MED13L: variants seen among roughly 807,000 people sequenced by gnomAD.
MED13L encodes the protein mediator complex subunit 13L, also known as mediator of RNA polymerase II transcription subunit 13-like.
Under a neutral mutation model 220.9 loss-of-function variants are expected in MED13L, and 7 were observed. The observed-to-expected ratio is 0.03, with a 90% CI of 0.02 to 0.06. MED13L has a LOEUF of 0.06. Among genes scored for constraint, MED13L ranks in the 10% least tolerant of loss-of-function variants. The pLI is 1.00. For synonymous variants in MED13L, 1,011 were observed against 1,015.2 expected, an observed-to-expected ratio of 1.00 and a Z score of 0.08; for missense variants, 1,965 against 2,760.5, an observed-to-expected ratio of 0.71 and a Z score of 6.46.
chr12:116,261,587 G>T (rs940624955), intron 1 of MED13L, among the ~76,000 whole-genome samples: 2 of 151,168 alleles, frequency 1.3e-5, no homozygotes, highest in Admixed American at 1.3e-4. Flanking sequence ...TTAAAACTTT[G>T]ATTTCTGTAG....
At chr12:115,980,584 A>C (rs1488541849) in intron 23 of MED13L, 166 bp downstream of exon 23, 1 of 748,014 alleles carries the variant, frequency 1.3e-6, no homozygotes, top group African/African-American at 1.7e-5. Context: ...TCAGCCTCCG[A>C]AAGTGCTAAG....
At chr12:116,212,602 A>G (rs1218855304) in intron 2 of MED13L, among the ~76,000 whole-genome samples, 1 of 152,206 alleles carries the variant, frequency 6.6e-6, no homozygotes, top group Non-Finnish European at 1.5e-5. Flanking sequence ...GTTAAATAAA[A>G]TATGCTTCTC....
chr12:116,170,683 C>T (rs1005911982), intron 2 of MED13L, among the ~76,000 whole-genome samples: 5 of 150,972 alleles, frequency 3.3e-5, no homozygotes, highest in African/African-American at 1.2e-4. Flanking sequence ...TCACTGCAAC[C>T]TCCACGTCCC....
chr12:116,025,617 A>G (rs1566017135), intron 4 of MED13L, among the ~76,000 whole-genome samples: 3 of 152,228 alleles, frequency 2.0e-5, no homozygotes, highest in Non-Finnish European at 4.4e-5. Flanking sequence ...AGTGAAACAG[A>G]TCAGACACAT....
chr12:116,272,093 T>C (rs545213593), intron 1 of MED13L, among the ~76,000 whole-genome samples: 1 of 152,202 alleles, frequency 6.6e-6, no homozygotes, highest in African/African-American at 2.4e-5. Context: ...TGTTGTCTGT[T>C]TCTCTATAAA....
rs146012857 is a variant in MED13L at position 116,205,085 on chromosome 12, C to G, written c.310+32383G>C. Among the ~76,000 whole-genome samples, 69 of 152,210 alleles carry G rather than the reference C, an allele frequency of 4.5e-4. 1 individual carries two copies. The highest frequency in any genetic ancestry group is 2.9e-3 in the East Asian group (15 of 5,172). Reference sequence around the variant, plus strand: ...CTCATGTGGCTTGCCTTCTGGGACACACAAATTCATCTTCATACTGTCGCC... The same window carrying G: ...CTCATGTGGCTTGCCTTCTGGGACAGACAAATTCATCTTCATACTGTCGCC... On this transcript the variant is annotated intron_variant, in intron 2 of 30. Transcript: ENST00000281928.
intron 2 of MED13L, among the ~76,000 whole-genome samples, chr12:116,141,547 T>C (rs1225425302): frequency 3.3e-5 from 5 of 152,198 alleles, no homozygotes; most frequent in Non-Finnish European, 5.9e-5. Flanking sequence ...TATAAATGTA[T>C]TGAAATTTTT....
rs74803659 is a variant in MED13L at position 116,000,323 on chromosome 12, A to G, written c.2569+2680T>C. ...CAATTTTCTTCCCAGAAAACGGCTAAAGCAAGGGTGGAAACAGCCACCAGG... is the reference window on the plus strand; with the variant it reads ...CAATTTTCTTCCCAGAAAACGGCTAGAGCAAGGGTGGAAACAGCCACCAGG... On this transcript the variant is annotated intron_variant, in intron 14 of 30. Coordinates refer to ENST00000281928, the MANE Select transcript of MED13L (RefSeq NM_015335.5). 1.4e-3 allele frequency among the ~76,000 whole-genome samples: 212 copies of G among 152,302 alleles called. 1 individual carries two copies. Among genetic ancestry groups the G allele is most frequent in the African/African-American group, 4.9e-3 (204 of 41,552 alleles).
intron 23 of MED13L, among the ~76,000 whole-genome samples, chr12:115,978,326 C>CCT (rs1480731529): frequency 7.6e-6 from 1 of 132,186 alleles, no homozygotes; most frequent in African/African-American, 2.8e-5. Flanking sequence ...AATTTTTTTT[C>CCT]TTTTTTTTTT....
intron 1 of MED13L, chr12:116,276,308 T>TTTTG (rs754551251): frequency 5.3e-5 from 12 of 224,910 alleles, no homozygotes; most frequent in South Asian, 3.8e-4. Flanking sequence ...CTTGTTGCTT[T>TTTTG]TGTGTGTGTG....
intron 25 of MED13L, among the ~76,000 whole-genome samples, chr12:115,973,599 C>A (rs771634250): frequency 2.0e-5 from 3 of 152,156 alleles, no homozygotes; most frequent in Non-Finnish European, 4.4e-5. Flanking sequence ...TTTATCCTCC[C>A]TCTTCTTTCC....
intron 4 of MED13L, among the ~76,000 whole-genome samples, chr12:116,041,067 T>C (rs1025187280): frequency 1.3e-5 from 2 of 152,056 alleles, no homozygotes; most frequent in African/African-American, 4.8e-5. Flanking sequence ...AATGCTAAAA[T>C]CAGTAATTAA....
At chr12:116,122,036 A>T (rs576872639) in intron 2 of MED13L, among the ~76,000 whole-genome samples, 3 of 152,294 alleles carry the variant, frequency 2.0e-5, no homozygotes, top group African/African-American at 7.2e-5. Context: ...TCCAAGGTTT[A>T]TCATTTGCCC....
At chr12:116,056,385 C>G (rs1202568400) in intron 4 of MED13L, among the ~76,000 whole-genome samples, 1 of 151,866 alleles carries the variant, frequency 6.6e-6, no homozygotes, top group Non-Finnish European at 1.5e-5. Flanking sequence ...TCAGGTGATT[C>G]TCAGCCTCCT....
chr12:116,061,312 G>C (rs1377032265), intron 4 of MED13L, among the ~76,000 whole-genome samples: 1 of 151,804 alleles, frequency 6.6e-6, no homozygotes, highest in Non-Finnish European at 1.5e-5. Flanking sequence ...ATATAGAGTA[G>C]TTACAAATAA....
At chr12:116,070,143 G>T (rs1276193087) in intron 4 of MED13L, among the ~76,000 whole-genome samples, 1 of 152,120 alleles carries the variant, frequency 6.6e-6, no homozygotes, top group Non-Finnish European at 1.5e-5. Context: ...TAGCTGCCAG[G>T]GGTCATGTCC....
chr12:116,181,351 T>C (rs1339380175), intron 2 of MED13L: 2 of 152,026 alleles, frequency 1.3e-5, no homozygotes, highest in African/African-American at 4.8e-5. Context: ...CATTCAAGTA[T>C]TTAATCTTCT....
At chr12:116,095,639 A>G (rs1352796766) in intron 4 of MED13L, among the ~76,000 whole-genome samples, 1 of 152,222 alleles carries the variant, frequency 6.6e-6, no homozygotes, top group Non-Finnish European at 1.5e-5. Flanking sequence ...GTAAGGCTTC[A>G]AGGGCTCTAA....
At chr12:116,198,681 T>C (rs1037011256) in intron 2 of MED13L, among the ~76,000 whole-genome samples, 1 of 152,110 alleles carries the variant, frequency 6.6e-6, no homozygotes, top group Non-Finnish European at 1.5e-5. Flanking sequence ...GTGTCCATCA[T>C]CCTGCCTCTA....
Sources: gnomAD v4.1 joint callset for allele counts (sites outside exome capture counted in the v4.1 genomes callset) on GRCh38, gnomAD v4.1.1 for gene constraint, MANE v1.5 for transcripts, NCBI Gene and HGNC (gene_info 2026-07-23, HGNC 2026-07-21) for gene names.